HSD17B2: variants seen among roughly 807,000 people sequenced by gnomAD.
HSD17B2 encodes the protein hydroxysteroid 17-beta dehydrogenase 2.
A neutral mutation model predicts 26.9 loss-of-function variants in HSD17B2; 32 were observed. The ratio of observed to expected loss-of-function variants is 1.19; its 90% CI spans 0.90 to 1.60. HSD17B2 has a LOEUF of 1.60. Among genes scored for constraint, HSD17B2 ranks in the 40% most tolerant of loss-of-function variants. The probability of loss-of-function intolerance (pLI) is 0.00; values close to 1 mark genes in which losing one functional copy is unlikely to be tolerated. For missense variants in HSD17B2, 613 were observed against 468.6 expected (o/e 1.31, Z -2.85); for synonymous variants, 246 against 186.7 (o/e 1.32, Z -2.59).
intron 3 of HSD17B2, among the ~76,000 whole-genome samples, chr16:82,089,398 TG>T (rs1191174782): frequency 6.6e-6 from 1 of 152,148 alleles, no homozygotes; most frequent in Non-Finnish European, 1.5e-5. Context: ...GGGAAATCTT[TG>T]CCAAGCCTGG....
intron 3 of HSD17B2, among the ~76,000 whole-genome samples, chr16:82,077,905 C>T (rs888666622): frequency 2.6e-5 from 4 of 152,096 alleles, no homozygotes; most frequent in Middle Eastern, 3.2e-3. Context: ...AAAATGGATT[C>T]GATACTTAAA....
At chr16:82,089,207 G>C (rs1357135341) in intron 3 of HSD17B2, among the ~76,000 whole-genome samples, 2 of 152,284 alleles carry the variant, frequency 1.3e-5, no homozygotes, top group East Asian at 1.9e-4. Context: ...TACATGAAGG[G>C]AATTATACCA....
chr16:82,060,853 G>A (rs1914418170), intron 1 of HSD17B2, among the ~76,000 whole-genome samples: 1 of 152,172 alleles, frequency 6.6e-6, no homozygotes, highest in African/African-American at 2.4e-5. Flanking sequence ...TCATCGCTGT[G>A]GCTAGAAAAG....
chr16:82,076,124 A>G (rs994516140), intron 3 of HSD17B2, among the ~76,000 whole-genome samples: 3 of 152,208 alleles, frequency 2.0e-5, no homozygotes, highest in Non-Finnish European at 4.4e-5. Flanking sequence ...AATGAAGGAC[A>G]AAACCATATG....
At position 82,054,076 on chromosome 16, in the gene HSD17B2, G is replaced by A. The variant is rs73603055; in HGVS notation, c.266-14094G>A. On this transcript the variant is annotated intron_variant, in intron 1 of 4. Transcript: ENST00000199936. ...AGCATGTCTACAAATTCCCAAGCTTGTCTTTCTCCAAGTCACCTCTGGCTG... is the reference window on the plus strand; with the variant it reads ...AGCATGTCTACAAATTCCCAAGCTTATCTTTCTCCAAGTCACCTCTGGCTG... Among the ~76,000 whole-genome samples the A allele has an allele frequency of 2.8e-3, 432 of 152,108 alleles. 1 individual carries two copies. The highest frequency in any genetic ancestry group is 1.0e-2 in the African/African-American group (415 of 41,510).
intron 1 of HSD17B2, among the ~76,000 whole-genome samples, chr16:82,054,127 A>G (rs1914192810): frequency 6.6e-6 from 1 of 151,450 alleles, no homozygotes; most frequent in Non-Finnish European, 1.5e-5. Context: ...ATGAACTCTC[A>G]TCTCTCATTC....
rs557504659 is a variant in HSD17B2 at position 82,065,782 on chromosome 16, T to C, written c.266-2388T>C. Reference sequence around the variant, plus strand: ...CCAGTACGACAGTGACTCATGAACTTGGATTTAGGATCCAATAGAGTCCAG... The same window carrying C: ...CCAGTACGACAGTGACTCATGAACTCGGATTTAGGATCCAATAGAGTCCAG... On this transcript the variant is annotated intron_variant, in intron 1 of 4. Transcript: ENST00000199936. Among the ~76,000 whole-genome samples, 11 of 152,342 alleles carry C rather than the reference T, an allele frequency of 7.2e-5. No individual in the cohort carries two copies. In the South Asian group the frequency reaches 2.1e-3, roughly 29 times the overall value.
At chr16:82,040,618 G>C (rs908818179) in intron 1 of HSD17B2, among the ~76,000 whole-genome samples, 1 of 152,162 alleles carries the variant, frequency 6.6e-6, no homozygotes, top group African/African-American at 2.4e-5. Context: ...AGTAAATATT[G>C]AACATCTGTT....
intron 2 of HSD17B2, among the ~76,000 whole-genome samples, chr16:82,069,197 G>C (rs890457083): frequency 1.3e-5 from 2 of 152,140 alleles, no homozygotes; most frequent in South Asian, 2.1e-4. Flanking sequence ...AGTTTGCTGA[G>C]GATAATGGCT....
In HSD17B2 at chr16:82,088,898, C is replaced by T. The variant is rs144782418; in HGVS notation, c.665-2004C>T. Among the ~76,000 whole-genome samples, 744 of 152,308 alleles carry T rather than the reference C, an allele frequency of 4.9e-3. 6 individuals carry two copies. The highest frequency in any genetic ancestry group is 8.9e-3 in the South Asian group (43 of 4,828). On this transcript the variant is annotated intron_variant, in intron 3 of 4. Coordinates refer to ENST00000199936, the MANE Select transcript of HSD17B2 (RefSeq NM_002153.3). The stretch of plus-strand genomic sequence containing the variant: ...ACACCAAAAATGGAAGAGGAATTTA[C>T]TAGCTCTTCAATTGTCTGAGAGACA...
At chr16:82,080,967 C>T (rs572264115) in intron 3 of HSD17B2, among the ~76,000 whole-genome samples, 18 of 152,008 alleles carry the variant, frequency 1.2e-4, no homozygotes, top group African/African-American at 2.7e-4. Flanking sequence ...TTCCTCCTTC[C>T]GAAGGTCTTC....
At chr16:82,088,176 G>C (rs1018108593) in intron 3 of HSD17B2, among the ~76,000 whole-genome samples, 2 of 152,174 alleles carry the variant, frequency 1.3e-5, no homozygotes, top group African/African-American at 4.8e-5. Context: ...GTGGCTCTTA[G>C]TAATCCACAT....
intron 3 of HSD17B2, among the ~76,000 whole-genome samples, chr16:82,086,136 G>A (rs977674220): frequency 6.6e-6 from 1 of 152,140 alleles, no homozygotes; most frequent in South Asian, 2.1e-4. Flanking sequence ...GTATATGTAA[G>A]AGATAGAAAA....
At position 82,048,189 on chromosome 16, in the gene HSD17B2, C is replaced by T. The variant is rs187845176; in HGVS notation, c.265+12500C>T. On this transcript the variant is annotated intron_variant, in intron 1 of 4. Transcript: ENST00000199936. ...GAAACCTAAAAAGATATCTGAGAGA[C>T]GAGTGTAGACAGAGATTAGGACAGG... Among the ~76,000 whole-genome samples the T allele has an allele frequency of 7.2e-5, 11 of 152,154 alleles. No homozygotes were observed. The East Asian group carries it at 9.7e-4, about 13-fold the overall frequency.
intron 3 of HSD17B2, among the ~76,000 whole-genome samples, chr16:82,082,086 G>C (rs897490147): frequency 6.6e-6 from 1 of 152,168 alleles, no homozygotes; most frequent in Non-Finnish European, 1.5e-5. Context: ...TCCTTCAAAA[G>C]TTAGGTGACT....
chr16:82,073,615 C>G (rs1033979354), intron 3 of HSD17B2, among the ~76,000 whole-genome samples: 2 of 152,096 alleles, frequency 1.3e-5, no homozygotes, highest in African/African-American at 4.8e-5. Flanking sequence ...GCTGTCAGCC[C>G]TCCAGAATGC....
chr16:82,095,633 C>T (rs894696804), intron 4 of HSD17B2: 7 of 152,216 alleles, frequency 4.6e-5, no homozygotes, highest in African/African-American at 1.7e-4. Context: ...AGTCGATTTA[C>T]TGCAGCAGTG....
At chr16:82,097,939 C>CAA in intron 4 of HSD17B2, 136 bp from the exon 5 acceptor site, 1 of 839,758 alleles carries the variant, frequency 1.2e-6, no homozygotes, top group Non-Finnish European at 1.7e-6. Context: ...CTCTGTATCC[C>CAA]AAAAATAAAA....
chr16:82,062,629 G>C (rs1914471053), intron 1 of HSD17B2, among the ~76,000 whole-genome samples: 1 of 152,206 alleles, frequency 6.6e-6, no homozygotes, highest in African/African-American at 2.4e-5. Context: ...TTCCTCCTCT[G>C]TAAATGGGTG....
Sources: gnomAD v4.1 joint callset for allele counts (sites outside exome capture counted in the v4.1 genomes callset) on GRCh38, gnomAD v4.1.1 for gene constraint, MANE v1.5 for transcripts, NCBI Gene and HGNC (gene_info 2026-07-23, HGNC 2026-07-21) for gene names.